CCDC3: variants seen among roughly 807,000 people sequenced by gnomAD.
CCDC3 encodes the protein coiled-coil domain containing 3, also known as coiled-coil domain-containing protein 3.
A neutral mutation model predicts 21.4 loss-of-function variants in CCDC3; 24 were observed. The ratio of observed to expected loss-of-function variants is 1.12; its 90% CI spans 0.81 to 1.58. CCDC3 has a LOEUF of 1.58. Among genes scored for constraint, CCDC3 ranks in the 40% most tolerant of loss-of-function variants. The probability of loss-of-function intolerance (pLI) is 0.00; values close to 1 mark genes in which losing one functional copy is unlikely to be tolerated. For missense variants in CCDC3, 425 were observed against 360.9 expected (o/e 1.18, Z -1.44); for synonymous variants, 186 against 166.0 (o/e 1.12, Z -0.93).
At chr10:13,065,056 G>T (rs1206706857) in intron 4 of CCDC3, among the ~76,000 whole-genome samples, 1 of 152,108 alleles carries the variant, frequency 6.6e-6, no homozygotes, top group Non-Finnish European at 1.5e-5. Context: ...GCAGCCCCAA[G>T]ATTTCCGAGA....
chr10:12,949,087 C>G (rs905746394), intron 2 of CCDC3, among the ~76,000 whole-genome samples: 1 of 152,058 alleles, frequency 6.6e-6, no homozygotes, highest in Non-Finnish European at 1.5e-5. Flanking sequence ...TGCAACATCA[C>G]AATTTTGGGG....
chr10:13,082,255 A>G (rs1003818395), intron 3 of CCDC3, among the ~76,000 whole-genome samples: 2 of 152,210 alleles, frequency 1.3e-5, no homozygotes, highest in Middle Eastern at 3.2e-3. Flanking sequence ...GCCATCTCCA[A>G]TGATAGGTAA....
At chr10:12,923,880 A>G (rs751868004) in intron 2 of CCDC3, among the ~76,000 whole-genome samples, 1 of 152,160 alleles carries the variant, frequency 6.6e-6, no homozygotes, top group Non-Finnish European at 1.5e-5. Flanking sequence ...GCAAATATCG[A>G]TAAGGACATC....
At position 12,983,128 on chromosome 10, in the gene CCDC3, G is replaced by GTATA. The variant is rs775314375; in HGVS notation, c.549+15209_549+15210insTATA. On this transcript the variant is annotated intron_variant, in intron 2 of 2. Transcript: ENST00000378825. ...AAAAAATAAATAAATAAATAAAATA[G>GTATA]TGTATATATATATATATATATATAT... Among the ~76,000 whole-genome samples the GTATA allele has an allele frequency of 9.9e-3, 1,156 of 116,746 alleles. 7 individuals are homozygous for GTATA. The highest frequency in any genetic ancestry group is 0.012 in the Non-Finnish European group (677 of 57,442). 76.6% of individuals were successfully genotyped at this position (116,746 alleles called of 152,430 possible). A position where few individuals can be genotyped will look rare whatever the true frequency, so the allele number is the denominator to read the frequency against.
At chr10:13,090,042 T>G (rs10796019) in intron 3 of CCDC3, among the ~76,000 whole-genome samples, 589 of 1,698 alleles carry the variant, frequency 0.35, 21 homozygotes, top group Middle Eastern at 1. Flanking sequence ...TAGATATATA[T>G]ATATATATAT....
chr10:13,010,555 A>G (rs925154290), intron 5 of CCDC3, among the ~76,000 whole-genome samples: 8 of 152,194 alleles, frequency 5.3e-5, no homozygotes, highest in African/African-American at 1.7e-4. Context: ...TTGGAAAACA[A>G]CTTGACAGCT....
At chr10:12,919,004 C>A (rs745830605) in intron 2 of CCDC3, among the ~76,000 whole-genome samples, 1 of 151,984 alleles carries the variant, frequency 6.6e-6, no homozygotes, top group African/African-American at 2.4e-5. Context: ...TGCAGTGAGC[C>A]GAGATTGTGC....
At chr10:12,971,317 G>T (rs576240721) in intron 2 of CCDC3, among the ~76,000 whole-genome samples, 4 of 152,300 alleles carry the variant, frequency 2.6e-5, no homozygotes, top group Admixed American at 6.5e-5. Flanking sequence ...CTATCCTTTC[G>T]GAAAGGAATG....
Position 12,902,452 on chromosome 10 carries a change from A to G in CCDC3, c.550-3773T>C, listed in dbSNP as rs1834109802. On this transcript the variant is annotated intron_variant, in intron 2 of 2. Coordinates refer to ENST00000378825, the MANE Select transcript of CCDC3 (RefSeq NM_031455.4). ...CCAAGTACCAGGCTGAGCACTGTAT[A>G]ATGACACTCCCTCATTAAGTCATGA... Among the ~76,000 whole-genome samples, 2 of 152,186 alleles carry G rather than the reference A, an allele frequency of 1.3e-5. 1 individual carries two copies. Among genetic ancestry groups the G allele is most frequent in the South Asian group, 4.1e-4 (2 of 4,826 alleles).
chr10:13,013,132 A>G (rs889827932), intron 5 of CCDC3, among the ~76,000 whole-genome samples: 1 of 152,206 alleles, frequency 6.6e-6, no homozygotes, highest in African/African-American at 2.4e-5. Context: ...ACACACACAC[A>G]TATTTCCTAG....
chr10:13,081,560 G>A (rs74119412), intron 3 of CCDC3, among the ~76,000 whole-genome samples: 3,638 of 152,264 alleles, frequency 0.024, 131 homozygotes, highest in African/African-American at 0.083. Flanking sequence ...TTAAAGCTAC[G>A]AAAACTTAAT....
At chr10:13,020,522 A>G (rs1209484997) in intron 5 of CCDC3, among the ~76,000 whole-genome samples, 1 of 152,242 alleles carries the variant, frequency 6.6e-6, no homozygotes, top group Non-Finnish European at 1.5e-5. Context: ...TCAGCCTACA[A>G]CACATTTCTT....
chr10:13,008,393 T>C (rs1387486612), intron 5 of CCDC3, among the ~76,000 whole-genome samples: 1 of 151,976 alleles, frequency 6.6e-6, no homozygotes, highest in Non-Finnish European at 1.5e-5. Context: ...AGGATGTCCA[T>C]GTTGGGGAAG....
At chr10:12,970,911 T>C (rs1835332662) in intron 2 of CCDC3, among the ~76,000 whole-genome samples, 1 of 151,626 alleles carries the variant, frequency 6.6e-6, no homozygotes, top group South Asian at 2.1e-4. Context: ...AAATTGTCAG[T>C]CTGCAAACCA....
rs148431180 is a variant in CCDC3, at chr10:13,014,286, T to C, written c.-1-15774A>G. On this transcript the variant is annotated intron_variant, in intron 5 of 6. Coordinates refer to the CCDC3 transcript ENST00000378839. Reference sequence around the variant, plus strand: ...GGCTACTATGAAACCTCATCTCTACTAAAAATACAAAAAATTAGCCAGGCG... The same window carrying C: ...GGCTACTATGAAACCTCATCTCTACCAAAAATACAAAAAATTAGCCAGGCG... Among the ~76,000 whole-genome samples the C allele has an allele frequency of 4.2e-3, 630 of 149,106 alleles. 6 individuals are homozygous for C. The highest frequency in any genetic ancestry group is 0.031 in the East Asian group (154 of 4,984).
chr10:12,953,241 T>C (rs746288211), intron 2 of CCDC3, among the ~76,000 whole-genome samples: 1 of 151,996 alleles, frequency 6.6e-6, no homozygotes, highest in Non-Finnish European at 1.5e-5. Flanking sequence ...AACTATCAGA[T>C]CTCATGAGAC....
intron 2 of CCDC3, among the ~76,000 whole-genome samples, chr10:12,919,606 A>G (rs1834415778): frequency 2.1e-5 from 3 of 140,672 alleles, no homozygotes; most frequent in Admixed American, 1.4e-4. Context: ...AAAAAAAAAG[A>G]AATGAGTACT....
chr10:12,976,263 G>A (rs1002991974), intron 2 of CCDC3, among the ~76,000 whole-genome samples: 7 of 152,316 alleles, frequency 4.6e-5, no homozygotes, highest in East Asian at 1.9e-4. Context: ...AAACAAAGGC[G>A]TTTTAGGACC....
At chr10:13,035,649 G>T (rs1836368587) in intron 5 of CCDC3, among the ~76,000 whole-genome samples, 1 of 152,140 alleles carries the variant, frequency 6.6e-6, no homozygotes, top group South Asian at 2.1e-4. Context: ...TCATCCCGAG[G>T]CATGTTTTAA....
Sources: allele counts gnomAD v4.1 joint callset (sites outside exome capture counted in the v4.1 genomes callset), GRCh38; gene constraint gnomAD v4.1.1; transcripts MANE v1.5; gene names NCBI Gene and HGNC (gene_info 2026-07-23, HGNC 2026-07-21).